Variants in SSTR3 observed in about 807,000 individuals in gnomAD.
SSTR3 encodes somatostatin receptor type 3.
For missense variants in SSTR3, 504 were observed against 604.7 expected, an observed-to-expected ratio of 0.83 and a Z score of 1.75; for synonymous variants, 281 against 269.2, an observed-to-expected ratio of 1.04 and a Z score of -0.43.
chr22:37,207,570 G>A lies in SSTR3; in HGVS notation c.234C>T (p.Val78=). 1 of 1,613,620 alleles carries A rather than the reference G, an allele frequency of 6.2e-7. No homozygotes were observed. The highest frequency in any genetic ancestry group is 8.5e-7 in the Non-Finnish European group (1 of 1,179,892). The part of the protein sequence containing the change: ...VVLRHTASPS[V]TNVYILNLAL... ...CCAGGTTGAGGATGTAGACGTTGGT[G>A]ACTGAAGGGCTGGCCGTGTGCCGCA... The change falls in exon 2 of 2, where the codon GTC becomes GTT. Residue 78 remains valine, a synonymous_variant. Coordinates refer to ENST00000610913, the MANE Select transcript of SSTR3 (RefSeq NM_001051.5).
Position 37,207,635 on chromosome 22 carries a change from C to A in SSTR3, c.169G>T (p.Val57Leu). ...ACCAGCGAGTTACCCAGCAGGCCCACCACGCACACCACCAGGTAGACCAGG... is the reference window on the plus strand; with the variant it reads ...ACCAGCGAGTTACCCAGCAGGCCCAACACGCACACCACCAGGTAGACCAGG... ...IPLVYLVVCVVGLLGNSLVIY... is the reference protein window; with the variant it reads ...IPLVYLVVCVLGLLGNSLVIY... The change falls in exon 2 of 2, where the codon GTG becomes TTG. Residue 57 changes from valine to leucine, a missense_variant. Coordinates refer to ENST00000610913, the MANE Select transcript of SSTR3 (RefSeq NM_001051.5). 6.2e-7 allele frequency: 1 copy of A among 1,600,112 alleles called. No homozygotes were observed. The highest frequency in any genetic ancestry group is 1.1e-5 in the South Asian group (1 of 89,566).
upstream of SSTR3, among the ~76,000 whole-genome samples, chr22:37,214,727 A>G (rs911336192): frequency 3.9e-5 from 6 of 152,126 alleles, no homozygotes; most frequent in African/African-American, 1.2e-4. Flanking sequence ...CATTACAAAC[A>G]TAAGTCATCC....
chr22:37,219,589 G>A, the SSTR3 span, among the ~76,000 whole-genome samples: 5 of 152,162 alleles, frequency 3.3e-5, no homozygotes, highest in East Asian at 1.9e-4. Flanking sequence ...TCTCTGGAGC[G>A]TGGTAGGAAT....
At chr22:37,208,910 G>C (rs1926019488) in intron 1 of SSTR3, among the ~76,000 whole-genome samples, 1 of 152,212 alleles carries the variant, frequency 6.6e-6, no homozygotes, top group South Asian at 2.1e-4. Flanking sequence ...CCAGTGCCAA[G>C]GGGGAATGTC....
chr22:37,206,715 C>A lies in SSTR3; in HGVS notation c.1089G>T (p.Glu363Asp), dbSNP rs199911328. 1.2e-6 allele frequency: 2 copies of A among 1,608,606 alleles called. No homozygotes were observed. Among genetic ancestry groups the A allele is most frequent in the African/African-American group, 1.3e-5 (1 of 74,930 alleles). Residue 363 changes from glutamate to aspartate, a missense_variant, in exon 2 of 2, where the codon GAG becomes GAT. Physicochemically the swap from Glu to Asp is conservative, Grantham distance 45 (BLOSUM62 2). Transcript: ENST00000610913. ...EEEEDGEESR[E>D]GGKGKEMNGR... is the part of the protein sequence containing the mutation. ...CGTTCATCTCCTTCCCCTTGCCCCC[C>A]TCCCTGCTCTCCTCCCCATCCTCCT... is the stretch of plus-strand genomic sequence containing the variant.
chr22:37,215,766 A>G (rs1009646860), upstream of SSTR3: 28 of 273,866 alleles, frequency 1.0e-4, no homozygotes, highest in Non-Finnish European at 1.9e-4. Context: ...TCTTTCCAAT[A>G]TCTCCTTTTG....
At chr22:37,219,623 A>G in the SSTR3 span, among the ~76,000 whole-genome samples, 1 of 152,180 alleles carries the variant, frequency 6.6e-6, no homozygotes, top group Non-Finnish European at 1.5e-5. Flanking sequence ...GAGAGGTCAG[A>G]GATCGGAGGA....
Position 37,207,228 on chromosome 22 carries a change from G to A in SSTR3, c.576C>T (p.His192=), listed in dbSNP as rs762482029. ...SGVPRGMSTC[H]MQWPEPAAAW... is the part of the protein sequence containing the mutation. ...CCGCCGCCGGCTCGGGCCACTGCAT[G>A]TGGCAGGTGCTCATGCCGCGGGGCA... The change falls in exon 2 of 2, where the codon CAC becomes CAT. Residue 192 remains histidine (H), a synonymous_variant. Transcript: ENST00000610913. The A allele has an allele frequency of 2.5e-5, 41 of 1,609,030 alleles. No homozygotes were observed. The South Asian group carries it at 4.3e-4, about 17-fold the overall frequency.
Position 37,206,685 on chromosome 22 carries a change from C to A in SSTR3, c.1119G>T (p.Arg373=). The part of the protein sequence containing the change: ...EGGKGKEMNG[R]VSQITQPGTS... ...TGCCAGGCTGCGTGATCTGGCTGAC[C>A]CGGCCGTTCATCTCCTTCCCCTTGC... The change falls in exon 2 of 2, where the codon CGG becomes CGT. Residue 373 remains arginine, a synonymous_variant. Coordinates refer to ENST00000610913, the MANE Select transcript of SSTR3 (RefSeq NM_001051.5). 6.2e-7 allele frequency: 1 copy of A among 1,609,314 alleles called. No homozygotes were observed. The highest frequency in any genetic ancestry group is 1.1e-5 in the South Asian group (1 of 91,078).
chr22:37,212,268 G>GT lies in SSTR3; in HGVS notation c.-481dup, dbSNP rs1205967470. On this transcript the variant is annotated 5_prime_UTR_variant, in exon 1 of 2. It introduces an in-frame stop codon into an upstream open reading frame of the 5' UTR. Coordinates refer to ENST00000610913, the MANE Select transcript of SSTR3 (RefSeq NM_001051.5). Reference sequence around the variant, plus strand: ...GAGAGAGGGAGAGGGAGAGGAGACCGTGAGTAGGAGGAAAGGCAGAATGAG... The same window carrying GT: ...GAGAGAGGGAGAGGGAGAGGAGACCGTTGAGTAGGAGGAAAGGCAGAATGAG... 2.5e-6 allele frequency: 1 copy of GT among 399,648 alleles called. No homozygotes were observed. The highest frequency in any genetic ancestry group is 6.5e-5 in the Admixed American group (1 of 15,476). 24.8% of individuals were successfully genotyped at this position (399,648 alleles called of 1,614,324 possible). A position where few individuals can be genotyped will look rare whatever the true frequency, so the allele number is the denominator to read the frequency against.
In SSTR3 at chr22:37,206,570, T is replaced by G. The variant is rs758856246; in HGVS notation, c.1234A>C (p.Thr412Pro). The G allele has an allele frequency of 6.2e-7, 1 of 1,611,498 alleles. No individual in the cohort carries two copies. The highest frequency in any genetic ancestry group is 2.2e-5 in the East Asian group (1 of 44,878). The change falls in exon 2 of 2, where the codon ACG (threonine) becomes CCG (proline). Residue 412 changes from threonine (T) to proline (P), a missense_variant. Coordinates refer to ENST00000610913, the MANE Select transcript of SSTR3 (RefSeq NM_001051.5). ...CCCTACAGGTAGCTGATGCGCATCG[T>G]GCTGGACTTCTCCCCAGTGGAAGCC... ...QEASTGEKSS[T>P]MRISYL
upstream of SSTR3, among the ~76,000 whole-genome samples, chr22:37,212,715 G>A (rs1317080960): frequency 1.3e-5 from 2 of 152,272 alleles, no homozygotes; most frequent in African/African-American, 2.4e-5. Flanking sequence ...AGGCCACTGC[G>A]GCACAGGTCC....
At position 37,206,840 on chromosome 22, in the gene SSTR3, G is replaced by A. The variant is rs745516978; in HGVS notation, c.964C>T (p.Gln322Ter). Residue 322 changes from glutamine to a stop codon, truncating the protein, a stop_gained, in exon 2 of 2, where the codon CAG becomes TAG. Transcript: ENST00000610913. LOFTEE classifies it low-confidence loss of function (END_TRUNC). ...CGCAGCAGGACCCTGCGGAAGCCCT[G>A]CTTGAAGCGGTAGGAGAGGAAGCCA... ...LYGFLSYRFK[Q>*]GFRRVLLRPS... is the part of the protein sequence containing the mutation. 6.2e-7 allele frequency: 1 copy of A among 1,613,144 alleles called. No individual in the cohort carries two copies. The highest frequency in any genetic ancestry group is 8.5e-7 in the Non-Finnish European group (1 of 1,180,018).
At chr22:37,214,516 C>T (rs887147923), upstream of SSTR3, among the ~76,000 whole-genome samples, 3 of 152,014 alleles carry the variant, frequency 2.0e-5, no homozygotes, top group Non-Finnish European at 4.4e-5. Flanking sequence ...GTCATTTGGG[C>T]GGGAGGCGGG....
At chr22:37,220,411 G>C in the SSTR3 span, among the ~76,000 whole-genome samples, 262 of 152,294 alleles carry the variant, frequency 1.7e-3, no homozygotes, top group African/African-American at 6.1e-3. Flanking sequence ...AACTACCTGG[G>C]TGTGGTGGCA....
Position 37,207,181 on chromosome 22 carries a change from A to T in SSTR3, c.623T>A (p.Ile208Asn). The T allele has an allele frequency of 6.2e-7, 1 of 1,612,132 alleles. No homozygotes were observed. Among genetic ancestry groups the T allele is most frequent in the Non-Finnish European group, 8.5e-7 (1 of 1,179,514 alleles). Residue 208 changes from isoleucine (I) to asparagine (N), a missense_variant, in exon 2 of 2, where the codon ATC becomes AAC. By Grantham distance (149) the Ile-to-Asn change is moderately radical (BLOSUM62 -3). Coordinates refer to ENST00000610913, the MANE Select transcript of SSTR3 (RefSeq NM_001051.5). ...PAAAWRAGFI[I>N]YTAALGFFGP... is the part of the protein sequence containing the mutation. ...GAAGAAGCCCAGTGCGGCCGTGTAG[A>T]TGATGAAGCCGGCTCGCCAGGCCGC... is the stretch of plus-strand genomic sequence containing the variant.
Position 37,205,553 on chromosome 22 carries a change from G to C in SSTR3, c.*994C>G, listed in dbSNP as rs986749764. ...TTTCCATGCCAGTCCTCATGGGCTG[G>C]GTCCCTGTCTCGGTCTCCAGGAAGG... On this transcript the variant is annotated 3_prime_UTR_variant, in exon 2 of 2. Coordinates refer to ENST00000610913, the MANE Select transcript of SSTR3 (RefSeq NM_001051.5). 2.6e-5 allele frequency: 4 copies of C among 152,320 alleles called. No individual in the cohort carries two copies. The highest frequency in any genetic ancestry group is 2.0e-4 in the Admixed American group (3 of 15,274). 9.4% of individuals were successfully genotyped at this position (152,320 alleles called of 1,614,324 possible). A position where few individuals can be genotyped will look rare whatever the true frequency, so the allele number is the denominator to read the frequency against.
rs1323730867 is a variant in SSTR3, at chr22:37,205,744, A to T, written c.*803T>A. The T allele has an allele frequency of 6.6e-6, 1 of 152,312 alleles. No individual in the cohort carries two copies. 9.4% of individuals were successfully genotyped at this position (152,312 alleles called of 1,614,324 possible). The stretch of plus-strand genomic sequence containing the variant: ...GGCTGACCTCAGCAGGGGCAGAGCC[A>T]GGCTTTGGGTGGCCTAAGCTTATGC... On this transcript the variant is annotated 3_prime_UTR_variant, in exon 2 of 2. Coordinates refer to ENST00000610913, the MANE Select transcript of SSTR3 (RefSeq NM_001051.5).
rs548547677 is a variant in SSTR3 at position 37,206,488 on chromosome 22, C to T, written c.*59G>A. 31 of 1,536,380 alleles carry T rather than the reference C, an allele frequency of 2.0e-5. No individual in the cohort carries two copies. In the South Asian group the frequency reaches 2.4e-4, roughly 12 times the overall value. On this transcript the variant is annotated 3_prime_UTR_variant, in exon 2 of 2. Coordinates refer to ENST00000610913, the MANE Select transcript of SSTR3 (RefSeq NM_001051.5). The stretch of plus-strand genomic sequence containing the variant: ...GCCTGTGGCACCTTGGGAAGTAGGC[C>T]CTAGGCACACCCACGGCTTCTGCCT...
Sources: gnomAD v4.1 joint callset for allele counts (sites outside exome capture counted in the v4.1 genomes callset) on GRCh38, gnomAD v4.1.1 for gene constraint, MANE v1.5 for transcripts, NCBI Gene and HGNC (gene_info 2026-07-23, HGNC 2026-07-21) for gene names.